Variants in L2HGDH observed in about 807,000 individuals in gnomAD.
L2HGDH encodes L-2-hydroxyglutarate dehydrogenase, mitochondrial.
Under a neutral mutation model 51.5 loss-of-function variants are expected in L2HGDH, and 34 were observed. The observed-to-expected ratio is 0.66, with a 90% confidence interval of 0.50 to 0.88. L2HGDH has a LOEUF of 0.88. Among genes scored for constraint, L2HGDH ranks in the 40% least tolerant of loss-of-function variants. The pLI is 0.00. For missense variants in L2HGDH, 558 were observed against 571.9 expected (o/e 0.98, Z 0.25); for synonymous variants, 198 against 197.9 (o/e 1.00, Z -0.01).
intron 9 of L2HGDH, among the ~76,000 whole-genome samples, chr14:50,257,905 T>C (rs1407611452): frequency 1.3e-5 from 2 of 151,810 alleles, no homozygotes; most frequent in Non-Finnish European, 2.9e-5. Context: ...TTATGGTGGT[T>C]TGTAACTTCT....
intron 9 of L2HGDH, among the ~76,000 whole-genome samples, chr14:50,264,389 T>C (rs374013127): frequency 1.3e-5 from 2 of 151,906 alleles, no homozygotes; most frequent in African/African-American, 2.4e-5. Context: ...AGAAAAAATA[T>C]AAAAATAAAA....
intron 4 of L2HGDH, chr14:50,287,344 C>T (rs186088488): frequency 1.0e-5 from 10 of 981,858 alleles, no homozygotes; most frequent in Admixed American, 1.2e-4. Flanking sequence ...GGATACACAA[C>T]AGGCAACAAT....
intron 6 of L2HGDH, 141 bp downstream of exon 6, chr14:50,278,379 A>C (rs1418559317): frequency 3.1e-6 from 2 of 645,604 alleles, no homozygotes; most frequent in Non-Finnish European, 5.5e-6. Flanking sequence ...AAGCTGTTAA[A>C]CTTCCCTAAA....
At chr14:50,298,782 G>T (rs1444104036) in intron 3 of L2HGDH, among the ~76,000 whole-genome samples, 1 of 152,090 alleles carries the variant, frequency 6.6e-6, no homozygotes, top group Non-Finnish European at 1.5e-5. Flanking sequence ...AAAATCTGTT[G>T]AAACAAATGA....
chr14:50,274,026 C>T (rs1041355764), intron 6 of L2HGDH, among the ~76,000 whole-genome samples: 1 of 151,930 alleles, frequency 6.6e-6, no homozygotes, highest in African/African-American at 2.4e-5. Context: ...TGAGGTGAGC[C>T]GAGATCGCGC....
At chr14:50,253,567 A>C (rs7151371) in intron 9 of L2HGDH, among the ~76,000 whole-genome samples, 141,997 of 152,118 alleles carry the variant, frequency 0.93, 66,401 homozygotes, top group East Asian at 1. Context: ...GAAATGGGAA[A>C]CCTCATACAC....
At chr14:50,286,205 G>A (rs1210302049) in intron 4 of L2HGDH, among the ~76,000 whole-genome samples, 1 of 152,132 alleles carries the variant, frequency 6.6e-6, no homozygotes. Context: ...ATGAACATGT[G>A]ATTGACCAAT....
At chr14:50,306,599 G>GT (rs1266089689) in intron 1 of L2HGDH, among the ~76,000 whole-genome samples, 3 of 102,346 alleles carry the variant, frequency 2.9e-5, no homozygotes, top group African/African-American at 4.4e-5. Context: ...TTTGTTTTGG[G>GT]GTTTTTTTTT....
At chr14:50,265,222 G>T in intron 9 of L2HGDH, 136 bp downstream of exon 9, 1 of 705,520 alleles carries the variant, frequency 1.4e-6, no homozygotes, top group Non-Finnish European at 2.5e-6. Flanking sequence ...CAACATGTTG[G>T]GAAAGAAAGC....
chr14:50,297,884 T>C (rs2030157809), intron 3 of L2HGDH, among the ~76,000 whole-genome samples: 1 of 151,940 alleles, frequency 6.6e-6, no homozygotes, highest in Non-Finnish European at 1.5e-5. Flanking sequence ...CTTGAGCACT[T>C]GAGCCCAGGA....
chr14:50,245,737 A>C lies in L2HGDH; in HGVS notation c.*1321T>G, dbSNP rs904583680. ...AATGCTAAAAAATTGATTTAAGGAA[A>C]TAATCTATTTTTATGCCATCTTTCT... On this transcript the variant is annotated 3_prime_UTR_variant, in exon 10 of 10. Coordinates refer to ENST00000267436, the MANE Select transcript of L2HGDH (RefSeq NM_024884.3). 1.0e-6 allele frequency: 1 copy of C among 985,110 alleles called. No individual in the cohort carries two copies. The highest frequency in any genetic ancestry group is 1.7e-5 in the African/African-American group (1 of 57,242). The allele number at this position is 985,110 out of a possible 1,614,324, so 61.0% of individuals were successfully genotyped here. A position where few individuals can be genotyped will look rare whatever the true frequency, so the allele number is the denominator to read the frequency against.
chr14:50,303,056 C>T, intron 1 of L2HGDH, 39 bp from the exon 2 acceptor site: 1 of 1,259,710 alleles, frequency 7.9e-7, no homozygotes, highest in Non-Finnish European at 1.2e-6. Context: ...TTCATATTTA[C>T]AGTAGACCTC....
At chr14:50,302,811 T>C in intron 2 of L2HGDH, 91 bp downstream of exon 2, 1 of 902,728 alleles carries the variant, frequency 1.1e-6, no homozygotes, top group Non-Finnish European at 1.9e-6. Flanking sequence ...ACTAAGAAAC[T>C]AACACTGACA....
At position 50,264,628 on chromosome 14, in the gene L2HGDH, C is replaced by G. The variant is rs1311968585; in HGVS notation, c.1196+730G>C. On this transcript the variant is annotated intron_variant, in intron 9 of 9. Coordinates refer to ENST00000267436, the MANE Select transcript of L2HGDH (RefSeq NM_024884.3). ...CATCCTTAGCAAACTAACACAAGAA[C>G]AGAAAACCAAATACCACATGTTCTC... is the stretch of plus-strand genomic sequence containing the variant. Among the ~76,000 whole-genome samples, 3 of 152,110 alleles carry G rather than the reference C, an allele frequency of 2.0e-5. No homozygotes were observed. The East Asian group carries it at 5.8e-4, about 29-fold the overall frequency.
At chr14:50,259,985 C>CAGAGAGAGAGAG (rs34001223) in intron 9 of L2HGDH, among the ~76,000 whole-genome samples, 4 of 142,370 alleles carry the variant, frequency 2.8e-5, no homozygotes, top group Admixed American at 7.2e-5. Flanking sequence ...GAGAAGAAGA[C>CAGAGAGAGAGAG]AGAGAGAGAG....
intron 9 of L2HGDH, among the ~76,000 whole-genome samples, chr14:50,255,733 A>G (rs1291035755): frequency 6.6e-6 from 1 of 151,878 alleles, no homozygotes; most frequent in Non-Finnish European, 1.5e-5. Flanking sequence ...TATTTTTTTA[A>G]TTTTTATTTT....
At chr14:50,258,084 A>G (rs923960268) in intron 9 of L2HGDH, among the ~76,000 whole-genome samples, 4 of 151,640 alleles carry the variant, frequency 2.6e-5, no homozygotes, top group Admixed American at 1.3e-4. Flanking sequence ...AAAAAAAAAA[A>G]AAAAAGAAAA....
intron 8 of L2HGDH, among the ~76,000 whole-genome samples, chr14:50,266,351 T>A (rs1421627576): frequency 6.6e-6 from 1 of 152,016 alleles, no homozygotes; most frequent in Non-Finnish European, 1.5e-5. Flanking sequence ...TAAAATACTT[T>A]AGTTGTTTAG....
intron 6 of L2HGDH, among the ~76,000 whole-genome samples, chr14:50,277,641 T>C (rs1244866060): frequency 6.6e-6 from 1 of 151,610 alleles, no homozygotes; most frequent in Non-Finnish European, 1.5e-5. Context: ...CCAGGTGTGG[T>C]GGCGGGCGCC....
Sources: allele counts gnomAD v4.1 joint callset (sites outside exome capture counted in the v4.1 genomes callset), GRCh38; gene constraint gnomAD v4.1.1; transcripts MANE v1.5; gene names NCBI Gene and HGNC (gene_info 2026-07-23, HGNC 2026-07-21).